COL9A3: variants seen among roughly 807,000 people sequenced by gnomAD.
COL9A3 encodes collagen type IX alpha 3 chain, also known as collagen alpha-3(IX) chain.
In COL9A3, 82 loss-of-function variants were observed where a neutral mutation model predicts 110.2. The observed-to-expected ratio is 0.74, with a 90% CI of 0.62 to 0.89. The LOEUF (loss-of-function observed/expected upper bound fraction) is 0.89, where lower values mean the gene tolerates loss of function less well. COL9A3 is among the 40% of genes least tolerant of loss of function. The pLI, the probability that COL9A3 is intolerant of heterozygous loss-of-function variation, is 0.00. For synonymous variants in COL9A3, 494 were observed against 403.8 expected (o/e 1.22, Z -2.68); for missense variants, 1,066 against 981.3 (o/e 1.09, Z -1.15).
chr20:62,840,643 CA>C lies in COL9A3; in HGVS notation c.1967del (p.Gln656ArgfsTer17), dbSNP rs1269057702. 1 of 1,610,664 alleles carries C rather than the reference CA, an allele frequency of 6.2e-7. No homozygotes were observed. The highest frequency in any genetic ancestry group is 8.5e-7 in the Non-Finnish European group (1 of 1,178,838). On this transcript the variant is annotated frameshift_variant, in exon 32 of 32. Transcript: ENST00000649368. LOFTEE classifies it high-confidence loss of function. ...TGGGCTTCCAGGTGCCATTGGGGCC[CA>C]GGGGACACCGGGGATCTGCGACACC... ...DPGLPGAIGAQGTPGICDTSA... is the reference protein window; with the variant it reads ...DPGLPGAIGAXGTPGICDTSA...
At position 62,830,505 on chromosome 20, in the gene COL9A3, C is replaced by T. The variant is rs2063586970; in HGVS notation, c.1216-12C>T. ...GGTATGGGCACTGACGAGCCAGGACCTCCTTCCCCAGGGCCAGAAGGGCAG... is the reference window on the plus strand; with the variant it reads ...GGTATGGGCACTGACGAGCCAGGACTTCCTTCCCCAGGGCCAGAAGGGCAG... On this transcript the variant is annotated splice_polypyrimidine_tract_variant and intron_variant, in intron 23 of 31. Coordinates refer to ENST00000649368, the MANE Select transcript of COL9A3 (RefSeq NM_001853.4). The T allele has an allele frequency of 1.9e-6, 3 of 1,607,250 alleles. No individual in the cohort carries two copies. Among genetic ancestry groups the T allele is most frequent in the African/African-American group, 1.3e-5 (1 of 74,746 alleles).
rs780370438 is a variant in COL9A3, at chr20:62,839,030, G to A, written c.1864+269G>A. ...ACCTGAGGTCAGCAGTTTGAGACCA[G>A]CCTGGCCAACACAGTGAAACCCCAT... On this transcript the variant is annotated intron_variant, in intron 31 of 31. Coordinates refer to ENST00000649368, the MANE Select transcript of COL9A3 (RefSeq NM_001853.4). 6.3e-4 allele frequency among the ~76,000 whole-genome samples: 96 copies of A among 152,106 alleles called. 1 individual carries two copies. The highest frequency in any genetic ancestry group is 2.1e-4 in the South Asian group (1 of 4,822).
chr20:62,835,840 G>T, intron 26 of COL9A3, 81 bp from the exon 27 acceptor site: 2 of 1,441,462 alleles, frequency 1.4e-6, no homozygotes, highest in East Asian at 2.3e-5. Context: ...TGGATGATTT[G>T]ATTTATTTTA....
At chr20:62,837,294 C>T (rs368189788) in intron 30 of COL9A3, 29 bp downstream of exon 30, 18 of 1,601,248 alleles carry the variant, frequency 1.1e-5, no homozygotes, top group Non-Finnish European at 1.4e-5. Context: ...GACACGGTCA[C>T]CCTGCTGTAA....
chr20:62,833,063 T>C lies in COL9A3; in HGVS notation c.1367T>C (p.Leu456Pro). The C allele has an allele frequency of 1.9e-6, 3 of 1,612,886 alleles. No individual in the cohort carries two copies. Among genetic ancestry groups the C allele is most frequent in the Non-Finnish European group, 2.5e-6 (3 of 1,178,986 alleles). The change falls in exon 26 of 32, where the codon CTG becomes CCG. Residue 456 changes from leucine to proline, a missense_variant and splice_region_variant. By Grantham distance (98) the Leu-to-Pro change is moderately conservative (BLOSUM62 -3). Transcript: ENST00000649368. ...GGTCTTCCTGGGGATAAAGGAGAAC[T>C]GGTGAGTAATTAGGTAACCTCACTG... ...SDGLPGDKGE[L>P]GPSGLVGPKG...
In COL9A3 at chr20:62,826,765, A is replaced by G. The variant is rs781108813; in HGVS notation, c.739-2A>G. On this transcript the variant is annotated splice_acceptor_variant, in intron 14 of 31. Transcript: ENST00000649368. LOFTEE classifies it high-confidence loss of function. The stretch of plus-strand genomic sequence containing the variant: ...ACCCCGGATCCCCTCTCTCCTCTGC[A>G]GGGTCCCATTGGGTTCCGAGGGCCG... 3.1e-6 allele frequency: 5 copies of G among 1,612,706 alleles called. No individual in the cohort carries two copies. In the South Asian group the frequency reaches 3.3e-5, roughly 11 times the overall value.
chr20:62,832,796 T>G, intron 25 of COL9A3: 6 of 478,864 alleles, frequency 1.3e-5, no homozygotes, highest in Admixed American at 3.4e-5. Flanking sequence ...AAAAGCCTCA[T>G]TATGCAAACA....
At chr20:62,822,356 C>G (rs1485264129) in intron 9 of COL9A3, among the ~76,000 whole-genome samples, 192 bp downstream of exon 9, 1 of 152,170 alleles carries the variant, frequency 6.6e-6, no homozygotes, top group Non-Finnish European at 1.5e-5. Flanking sequence ...ATGGTCAGGA[C>G]TCAGGTCCCC....
chr20:62,835,173 CTG>C (rs2063625697), intron 26 of COL9A3, among the ~76,000 whole-genome samples: 1 of 152,264 alleles, frequency 6.6e-6, no homozygotes, highest in South Asian at 2.1e-4. Flanking sequence ...TGCGGTTAGA[CTG>C]TGTCAGTCTG....
At chr20:62,828,078 G>A (rs2063568822) in intron 17 of COL9A3, 102 bp downstream of exon 17, 2 of 1,222,822 alleles carry the variant, frequency 1.6e-6, no homozygotes, top group Non-Finnish European at 2.4e-6. Flanking sequence ...GCCCTCTGCT[G>A]TGGCCATCTT....
upstream of COL9A3, chr20:62,816,972 G>C: frequency 1.4e-6 from 1 of 715,654 alleles, no homozygotes; most frequent in African/African-American, 1.9e-5. Flanking sequence ...GCAGGCGGGG[G>C]CGGGAAGGGG....
chr20:62,836,820 C>T (rs541296975), intron 29 of COL9A3: 32 of 630,324 alleles, frequency 5.1e-5, no homozygotes, highest in South Asian at 4.9e-4. Flanking sequence ...CGGAGTGTGC[C>T]CCTGTGGCTG....
chr20:62,828,063 T>G, intron 17 of COL9A3, 87 bp downstream of exon 17: 1 of 1,359,302 alleles, frequency 7.4e-7, no homozygotes, highest in East Asian at 2.3e-5. Context: ...GGGCTGGAGC[T>G]CAGTGCCCTC....
In COL9A3 at chr20:62,817,578, C is replaced by T. The variant is rs1555821610; in HGVS notation, c.90C>T (p.Leu30=). 1.3e-6 allele frequency: 2 copies of T among 1,538,110 alleles called. No homozygotes were observed. The highest frequency in any genetic ancestry group is 1.8e-6 in the Non-Finnish European group (2 of 1,139,086). ...TTTCTCCGTTTCAGAGAGTGGGACT[C>T]CCCGGCCCCCCCGGCCCCCCAGGGC... ...LAAAGAQRVG[L]PGPPGPPGPP... is the part of the protein sequence containing the mutation. Residue 30 remains leucine (L), a synonymous_variant, in exon 2 of 32, where the codon CTC becomes CTT. Coordinates refer to ENST00000649368, the MANE Select transcript of COL9A3 (RefSeq NM_001853.4).
chr20:62,839,868 GCA>G (rs1359727315), intron 31 of COL9A3, among the ~76,000 whole-genome samples: 2 of 151,492 alleles, frequency 1.3e-5, no homozygotes, highest in African/African-American at 4.9e-5. Flanking sequence ...TCCCCTCCAC[GCA>G]CACACACTGC....
intron 19 of COL9A3, 49 bp from the exon 20 acceptor site, chr20:62,829,406 C>T (rs1185407659): frequency 8.1e-6 from 13 of 1,610,656 alleles, no homozygotes; most frequent in East Asian, 2.2e-5. Flanking sequence ...GTGCTGCTGC[C>T]GGCGTGCAAT....
rs2273078 is a variant in COL9A3 at position 62,817,581 on chromosome 20, C to A, written c.93C>A (p.Pro31=). The change falls in exon 2 of 32, where the codon CCC becomes CCA. Residue 31 remains proline (P), a synonymous_variant. Transcript: ENST00000649368. Reference sequence around the variant, plus strand: ...CTCCGTTTCAGAGAGTGGGACTCCCCGGCCCCCCCGGCCCCCCAGGGCCGC... The same window carrying A: ...CTCCGTTTCAGAGAGTGGGACTCCCAGGCCCCCCCGGCCCCCCAGGGCCGC... ...AAAGAQRVGL[P]GPPGPPGPPG... 124,899 of 1,539,566 alleles carry A rather than the reference C, an allele frequency of 0.081. 6,673 individuals are homozygous for A. Among genetic ancestry groups the A allele is most frequent in the East Asian group, 0.27 (11,024 of 40,756 alleles).
At chr20:62,826,893 GC>G in intron 15 of COL9A3, 73 bp downstream of exon 15, 4 of 1,529,268 alleles carry the variant, frequency 2.6e-6, no homozygotes, top group African/African-American at 1.4e-5. Context: ...CCTCTCAGAC[GC>G]CCCCAGCCCC....
rs754987245 is a variant in COL9A3 at position 62,838,722 on chromosome 20, G to C, written c.1825G>C (p.Ala609Pro). ...GDRGDKGAAG[A>P]GLDGPEGDQG... Reference sequence around the variant, plus strand: ...CAGAGGAGACAAAGGCGCGGCAGGAGCAGGGCTGGACGGGCCTGAAGGAGA... The same window carrying C: ...CAGAGGAGACAAAGGCGCGGCAGGACCAGGGCTGGACGGGCCTGAAGGAGA... The change falls in exon 31 of 32, where the codon GCA (alanine) becomes CCA (proline). Residue 609 changes from alanine (A) to proline (P), a missense_variant. Ala to Pro is a conservative substitution (Grantham distance 27, BLOSUM62 -1). Transcript: ENST00000649368. 6.4e-7 allele frequency: 1 copy of C among 1,552,564 alleles called. No homozygotes were observed. The highest frequency in any genetic ancestry group is 2.0e-5 in the Admixed American group (1 of 51,098).
Sources: allele counts gnomAD v4.1 joint callset (sites outside exome capture counted in the v4.1 genomes callset), GRCh38; gene constraint gnomAD v4.1.1; transcripts MANE v1.5; gene names NCBI Gene and HGNC (gene_info 2026-07-23, HGNC 2026-07-21).